RHOJ: variants seen among roughly 807,000 people sequenced by gnomAD.
RHOJ encodes the protein rho-related GTP-binding protein RhoJ.
RHOJ carries 11 observed loss-of-function variants against 23.4 expected under a neutral mutation model. That is an observed-to-expected ratio of 0.47 (90% CI 0.30 to 0.78). The LOEUF is 0.78. RHOJ is among the 30% of genes least tolerant of loss of function. The pLI, the probability that RHOJ is intolerant of heterozygous loss-of-function variation, is 0.08. For missense variants in RHOJ, 254 were observed against 273.4 expected, an observed-to-expected ratio of 0.93 and a Z score of 0.50; for synonymous variants, 102 against 102.7, an observed-to-expected ratio of 0.99 and a Z score of 0.04.
At chr14:63,255,573 C>A (rs192792377) in intron 1 of RHOJ, among the ~76,000 whole-genome samples, 3 of 151,738 alleles carry the variant, frequency 2.0e-5, no homozygotes, top group Non-Finnish European at 4.4e-5. Context: ...CCACCTCCCC[C>A]CAGCCTTACC....
chr14:63,238,919 G>T (rs1024316723), intron 1 of RHOJ, among the ~76,000 whole-genome samples: 3 of 152,164 alleles, frequency 2.0e-5, no homozygotes, highest in Non-Finnish European at 4.4e-5. Context: ...TGCCCATGGT[G>T]GCATCATGCT....
intron 1 of RHOJ, among the ~76,000 whole-genome samples, chr14:63,256,585 G>A (rs1276613729): frequency 2.0e-5 from 3 of 152,174 alleles, no homozygotes; most frequent in Non-Finnish European, 4.4e-5. Flanking sequence ...GTCCCTTCTT[G>A]GAGGGCAGGG....
chr14:63,255,365 G>A (rs540611001), intron 1 of RHOJ, among the ~76,000 whole-genome samples: 5 of 152,096 alleles, frequency 3.3e-5, no homozygotes, highest in African/African-American at 7.2e-5. Flanking sequence ...CCCTTTATAC[G>A]TAACTGTCAA....
intron 2 of RHOJ, among the ~76,000 whole-genome samples, chr14:63,279,963 G>T (rs112698344): frequency 6.0e-4 from 92 of 152,226 alleles, no homozygotes; most frequent in African/African-American, 2.2e-3. Context: ...CATGATGGAA[G>T]AATTGCAATA....
chr14:63,274,652 T>A (rs1432296369), intron 2 of RHOJ, among the ~76,000 whole-genome samples: 1 of 152,184 alleles, frequency 6.6e-6, no homozygotes, highest in Non-Finnish European at 1.5e-5. Context: ...ATGGTCTAAG[T>A]GGCTGCAAAT....
chr14:63,229,030 A>G (rs1894644377), intron 1 of RHOJ, among the ~76,000 whole-genome samples: 1 of 152,242 alleles, frequency 6.6e-6, no homozygotes, highest in Non-Finnish European at 1.5e-5. Context: ...CCACTAAAAT[A>G]GAAGTTTCAT....
intron 1 of RHOJ, among the ~76,000 whole-genome samples, chr14:63,213,033 T>A (rs1333704124): frequency 6.6e-6 from 1 of 152,214 alleles, no homozygotes; most frequent in African/African-American, 2.4e-5. Context: ...TTTAGGTTTT[T>A]GTAATGATGG....
intron 1 of RHOJ, among the ~76,000 whole-genome samples, chr14:63,259,661 A>C (rs1193725814): frequency 6.6e-6 from 1 of 152,238 alleles, no homozygotes; most frequent in Non-Finnish European, 1.5e-5. Context: ...AAAGGATCCA[A>C]CCGCTGTTTT....
At chr14:63,253,869 T>A (rs867428318) in intron 1 of RHOJ, among the ~76,000 whole-genome samples, 3 of 152,208 alleles carry the variant, frequency 2.0e-5, no homozygotes, top group African/African-American at 7.2e-5. Flanking sequence ...CTAATATCCA[T>A]TTATTTTCAC....
At chr14:63,228,664 A>G (rs1316180820) in intron 1 of RHOJ, among the ~76,000 whole-genome samples, 1 of 152,156 alleles carries the variant, frequency 6.6e-6, no homozygotes, top group Non-Finnish European at 1.5e-5. Flanking sequence ...TAGAAACACA[A>G]TTGCAATGCA....
At position 63,219,684 on chromosome 14, in the gene RHOJ, C is replaced by T. The variant is rs772408746; in HGVS notation, c.178+14637C>T. On this transcript the variant is annotated intron_variant, in intron 1 of 4. Transcript: ENST00000316754. ...TACAAAACTTAGCTGTGTGTGCTGG[C>T]GCATGCCTGTGGTCCCAGCTACTTG... 7.2e-5 allele frequency among the ~76,000 whole-genome samples: 11 copies of T among 152,074 alleles called. No individual in the cohort carries two copies. In the South Asian group the frequency reaches 8.3e-4, roughly 11 times the overall value.
At chr14:63,205,072 G>A (rs1894079407) in intron 1 of RHOJ, 25 bp downstream of exon 1, 2 of 1,602,682 alleles carry the variant, frequency 1.2e-6, no homozygotes, top group African/African-American at 2.7e-5. Flanking sequence ...GAAACTCTCT[G>A]CATCCAGACA....
At chr14:63,206,384 G>A (rs990993078) in intron 1 of RHOJ, among the ~76,000 whole-genome samples, 1 of 152,196 alleles carries the variant, frequency 6.6e-6, no homozygotes, top group Admixed American at 6.5e-5. Flanking sequence ...AGAAGAACAG[G>A]TTGACTTTCA....
intron 2 of RHOJ, 99 bp from the exon 3 acceptor site, chr14:63,280,872 C>A: frequency 9.3e-7 from 1 of 1,078,082 alleles, no homozygotes; most frequent in Non-Finnish European, 1.3e-6. Flanking sequence ...AACGGGATCC[C>A]AGTGCGCTGT....
chr14:63,252,529 A>G (rs553225171), intron 1 of RHOJ, among the ~76,000 whole-genome samples: 22 of 152,226 alleles, frequency 1.4e-4, no homozygotes, highest in Non-Finnish European at 2.8e-4. Flanking sequence ...GCCCAGGGAT[A>G]TTTTCAAAAC....
At chr14:63,205,143 T>C (rs1261245314) in intron 1 of RHOJ, 96 bp downstream of exon 1, 5 of 1,346,624 alleles carry the variant, frequency 3.7e-6, no homozygotes, top group Admixed American at 4.5e-5. Context: ...AATGTCAGTA[T>C]TGGGTGCGGG....
chr14:63,213,826 A>G (rs1894293395), intron 1 of RHOJ, among the ~76,000 whole-genome samples: 1 of 152,126 alleles, frequency 6.6e-6, no homozygotes, highest in African/African-American at 2.4e-5. Context: ...AGACACTAGA[A>G]GATGAAAGAC....
At chr14:63,278,945 C>T (rs1032236237) in intron 2 of RHOJ, among the ~76,000 whole-genome samples, 1 of 152,052 alleles carries the variant, frequency 6.6e-6, no homozygotes, top group African/African-American at 2.4e-5. Flanking sequence ...ATGATCACGC[C>T]ATTGCACTCC....
At chr14:63,262,563 C>T (rs565968036) in intron 1 of RHOJ, among the ~76,000 whole-genome samples, 1 of 152,326 alleles carries the variant, frequency 6.6e-6, no homozygotes, top group Non-Finnish European at 1.5e-5. Flanking sequence ...TCTCTAAGCT[C>T]AGAAAGCAAC....
Sources: allele counts gnomAD v4.1 joint callset (sites outside exome capture counted in the v4.1 genomes callset), GRCh38; gene constraint gnomAD v4.1.1; transcripts MANE v1.5; gene names NCBI Gene and HGNC (gene_info 2026-07-23, HGNC 2026-07-21).